Variants in PPP2R2B observed in about 807,000 individuals in gnomAD.
PPP2R2B encodes serine/threonine-protein phosphatase 2A 55 kDa regulatory subunit B beta isoform.
PPP2R2B carries 5 observed loss-of-function variants against 46.0 expected under a neutral mutation model. The ratio of observed to expected loss-of-function variants is 0.11; its 90% CI spans 0.06 to 0.23. The LOEUF is 0.23. PPP2R2B is among the 10% of genes least tolerant of loss of function. The probability of loss-of-function intolerance (pLI) is 1.00; values close to 1 mark genes in which losing one functional copy is unlikely to be tolerated. For synonymous variants in PPP2R2B, 215 were observed against 206.7 expected (o/e 1.04, Z -0.34); for missense variants, 367 against 575.0 (o/e 0.64, Z 3.70).
intron 1 of PPP2R2B, among the ~76,000 whole-genome samples, chr5:146,997,822 T>C (rs1003138546): frequency 2.6e-5 from 4 of 152,112 alleles, no homozygotes; most frequent in Non-Finnish European, 5.9e-5. Flanking sequence ...CCAGAAGCCT[T>C]AGGTAAAAAA....
At chr5:146,916,751 G>T (rs907024169) in intron 1 of PPP2R2B, among the ~76,000 whole-genome samples, 6 of 152,226 alleles carry the variant, frequency 3.9e-5, no homozygotes, top group African/African-American at 1.2e-4. Context: ...CAGGTGAAAA[G>T]CTCAGTAGTT....
chr5:146,870,893 C>T (rs1435549362), intron 2 of PPP2R2B, among the ~76,000 whole-genome samples: 1 of 152,194 alleles, frequency 6.6e-6, no homozygotes, highest in African/African-American at 2.4e-5. Context: ...TTTCTCATTA[C>T]CCAGGATGAC....
chr5:146,933,912 A>G (rs1764051725), intron 1 of PPP2R2B, among the ~76,000 whole-genome samples: 1 of 142,054 alleles, frequency 7.0e-6, no homozygotes, highest in Non-Finnish European at 1.5e-5. Context: ...ATTCCCACCT[A>G]TGAGTGAGAA....
chr5:146,897,409 G>T (rs376789704), intron 1 of PPP2R2B, among the ~76,000 whole-genome samples: 1 of 152,204 alleles, frequency 6.6e-6, no homozygotes, highest in African/African-American at 2.4e-5. Context: ...GTGGACTAAG[G>T]TCACAAGTGT....
At chr5:146,720,377 A>G (rs1780726905) in intron 2 of PPP2R2B, among the ~76,000 whole-genome samples, 1 of 152,206 alleles carries the variant, frequency 6.6e-6, no homozygotes, top group Non-Finnish European at 1.5e-5. Context: ...TGAATTCACT[A>G]TTCACTCACC....
At chr5:146,623,621 T>C (rs755888882) in intron 7 of PPP2R2B, among the ~76,000 whole-genome samples, 1 of 152,228 alleles carries the variant, frequency 6.6e-6, no homozygotes, top group African/African-American at 2.4e-5. Flanking sequence ...ACAAAAAATG[T>C]CAGAATATGC....
chr5:146,759,162 T>C (rs573832586), intron 2 of PPP2R2B, among the ~76,000 whole-genome samples: 1 of 152,300 alleles, frequency 6.6e-6, no homozygotes, highest in South Asian at 2.1e-4. Context: ...ATTATCTCCA[T>C]GTTGATGTCA....
intron 6 of PPP2R2B, among the ~76,000 whole-genome samples, chr5:146,644,446 T>C (rs1271905837): frequency 6.6e-6 from 1 of 152,028 alleles, no homozygotes; most frequent in Non-Finnish European, 1.5e-5. Context: ...CATTTTATTT[T>C]CCCCAAATCT....
chr5:146,660,247 C>T (rs1041736043), intron 5 of PPP2R2B, among the ~76,000 whole-genome samples: 6 of 152,084 alleles, frequency 3.9e-5, no homozygotes, highest in Non-Finnish European at 4.4e-5. Context: ...TAAAATAAAC[C>T]ACTAACAAAT....
chr5:146,655,937 T>A (rs1390512100), intron 5 of PPP2R2B, among the ~76,000 whole-genome samples: 1 of 151,880 alleles, frequency 6.6e-6, no homozygotes, highest in African/African-American at 2.4e-5. Context: ...TGGGCTTCAG[T>A]CAGAGGGACC....
intron 6 of PPP2R2B, 114 bp downstream of exon 6, chr5:146,650,433 A>G: frequency 4.3e-6 from 4 of 940,844 alleles, no homozygotes; most frequent in Non-Finnish European, 6.3e-6. Context: ...AAAAGGGGCA[A>G]GTTCTCCGCA....
At chr5:146,846,531 A>G (rs1421891489) in intron 2 of PPP2R2B, among the ~76,000 whole-genome samples, 6 of 151,256 alleles carry the variant, frequency 4.0e-5, no homozygotes, top group African/African-American at 1.5e-4. Flanking sequence ...TACAAAAATC[A>G]GCTGGGCATG....
At chr5:146,694,967 C>T (rs1027424771) in intron 4 of PPP2R2B, among the ~76,000 whole-genome samples, 2 of 151,988 alleles carry the variant, frequency 1.3e-5, no homozygotes, top group Admixed American at 1.3e-4. Context: ...TAACGTATTG[C>T]ATATATGATT....
At chr5:146,870,326 T>C (rs757301269) in intron 2 of PPP2R2B, among the ~76,000 whole-genome samples, 1 of 152,038 alleles carries the variant, frequency 6.6e-6, no homozygotes, top group Non-Finnish European at 1.5e-5. Context: ...ATAATTAAGA[T>C]TAAATGAGGT....
At chr5:146,719,811 A>C (rs1176375882) in intron 2 of PPP2R2B, among the ~76,000 whole-genome samples, 2 of 126,938 alleles carry the variant, frequency 1.6e-5, no homozygotes, top group Non-Finnish European at 3.3e-5. Context: ...TCTATCATCT[A>C]AAAAGTATAA....
At chr5:146,785,803 A>T (rs1421591768) in intron 2 of PPP2R2B, among the ~76,000 whole-genome samples, 2 of 152,202 alleles carry the variant, frequency 1.3e-5, no homozygotes. Flanking sequence ...GCATGTTCTC[A>T]CTGATACATG....
At chr5:147,057,763 G>A (rs528284714), upstream of PPP2R2B, among the ~76,000 whole-genome samples, 4 of 152,164 alleles carry the variant, frequency 2.6e-5, no homozygotes, top group Non-Finnish European at 5.9e-5. Flanking sequence ...GAGGAGTGAG[G>A]CTGCAGTTAG....
intron 1 of PPP2R2B, among the ~76,000 whole-genome samples, chr5:146,918,698 A>G (rs1168965869): frequency 1.3e-5 from 2 of 152,080 alleles, no homozygotes; most frequent in African/African-American, 4.8e-5. Context: ...TCCTGTGTTT[A>G]TACTTTGTCT....
chr5:147,080,400 C>A (rs1475421048), intron 2 of PPP2R2B, among the ~76,000 whole-genome samples: 1 of 152,162 alleles, frequency 6.6e-6, no homozygotes, highest in Non-Finnish European at 1.5e-5. Flanking sequence ...CCCAGAAGTG[C>A]TATTCTAGTT....
Sources: allele counts gnomAD v4.1 joint callset (sites outside exome capture counted in the v4.1 genomes callset), GRCh38; gene constraint gnomAD v4.1.1; transcripts MANE v1.5; gene names NCBI Gene and HGNC (gene_info 2026-07-23, HGNC 2026-07-21).